Variants in AMER3 observed in about 807,000 individuals in gnomAD.
The protein encoded by AMER3 is APC membrane recruitment protein 3, also known as family with sequence similarity 123C.
For synonymous variants in AMER3, 541 were observed against 485.5 expected (o/e 1.11, Z -1.50); for missense variants, 1,201 against 1,139.4 (o/e 1.05, Z -0.78).
In AMER3 at chr2:130,762,967, G is replaced by A. The variant is rs780433435; in HGVS notation, c.895G>A (p.Ala299Thr). The change falls in exon 2 of 2, where the codon GCC becomes ACC. Residue 299 changes from alanine (A) to threonine (T), a missense_variant. Ala to Thr is a moderately conservative substitution (Grantham distance 58, BLOSUM62 0). Coordinates refer to ENST00000321420, the MANE Select transcript of AMER3 (RefSeq NM_152698.3). ...QGSVEQLASPAQNEASDFTRF... is the reference protein window; with the variant it reads ...QGSVEQLASPTQNEASDFTRF... ...CAGTGTGGAGCAGCTGGCCTCGCCC[G>A]CCCAGAATGAAGCCTCTGACTTCAC... 6 of 1,613,106 alleles carry A rather than the reference G, an allele frequency of 3.7e-6. No individual in the cohort carries two copies. The highest frequency in any genetic ancestry group is 5.1e-6 in the Non-Finnish European group (6 of 1,179,906).
In AMER3 at chr2:130,765,381, T is replaced by C. The variant is rs1240128516; in HGVS notation, c.*723T>C. 6.0e-6 allele frequency: 1 copy of C among 167,052 alleles called. No individual in the cohort carries two copies. 10.3% of individuals were successfully genotyped at this position (167,052 alleles called of 1,614,324 possible). A position where few individuals can be genotyped will look rare whatever the true frequency, so the allele number is the denominator to read the frequency against. ...TGCATGTCACTATGCTTGGTAATTG[T>C]GTGCACCTCGCTTTATACTTGCAGT... On this transcript the variant is annotated 3_prime_UTR_variant, in exon 2 of 2. Coordinates refer to ENST00000321420, the MANE Select transcript of AMER3 (RefSeq NM_152698.3).
At position 130,763,958 on chromosome 2, in the gene AMER3, A is replaced by C. The variant is rs766320457; in HGVS notation, c.1886A>C (p.Lys629Thr). The change falls in exon 2 of 2, where the codon AAA (lysine) becomes ACA (threonine). Residue 629 changes from lysine to threonine, a missense_variant. Physicochemically the swap from Lys to Thr is moderately conservative, Grantham distance 78. Coordinates refer to ENST00000321420, the MANE Select transcript of AMER3 (RefSeq NM_152698.3). ...AATSTTDTSGKNKAPVPSTWP... is the reference protein window; with the variant it reads ...AATSTTDTSGTNKAPVPSTWP... ...ACTTCGACAACAGATACTTCCGGTA[A>C]AAATAAGGCCCCAGTTCCTTCTACC... is the stretch of plus-strand genomic sequence containing the variant. 1 of 1,613,780 alleles carries C rather than the reference A, an allele frequency of 6.2e-7. No homozygotes were observed. The highest frequency in any genetic ancestry group is 8.5e-7 in the Non-Finnish European group (1 of 1,179,990).
intron 1 of AMER3, among the ~76,000 whole-genome samples, chr2:130,761,183 A>G (rs956607772): frequency 3.3e-5 from 5 of 152,002 alleles, no homozygotes; most frequent in African/African-American, 1.2e-4. Flanking sequence ...GTAGCTCCCC[A>G]CTGATCTCAG....
intron 1 of AMER3, among the ~76,000 whole-genome samples, chr2:130,757,622 C>G (rs1396412623): frequency 6.6e-6 from 1 of 152,222 alleles, no homozygotes; most frequent in Non-Finnish European, 1.5e-5. Flanking sequence ...TCCTCGGGGC[C>G]TTTCTGAAGG....
intron 1 of AMER3, 127 bp from the exon 2 acceptor site, chr2:130,761,927 G>C: frequency 8.5e-6 from 8 of 935,778 alleles, no homozygotes; most frequent in Non-Finnish European, 1.3e-5. Context: ...TCCCCCACCT[G>C]CAAGGAGGAT....
chr2:130,756,127 C>T (rs1158184548), intron 1 of AMER3, among the ~76,000 whole-genome samples: 6 of 148,956 alleles, frequency 4.0e-5, no homozygotes, highest in Admixed American at 2.0e-4. Context: ...CCACCGCGGC[C>T]GGCGCGCCCC....
Position 130,762,682 on chromosome 2 carries a change from C to T in AMER3, c.610C>T (p.Pro204Ser). Reference protein sequence around the residue: ...GGRRSKAFLPPGEGPGLDGLC... With the variant: ...GGRRSKAFLPSGEGPGLDGLC... Reference sequence around the variant, plus strand: ...GCGGCGAAGCAAAGCCTTCCTCCCCCCGGGTGAGGGGCCGGGGCTGGACGG... The same window carrying T: ...GCGGCGAAGCAAAGCCTTCCTCCCCTCGGGTGAGGGGCCGGGGCTGGACGG... Residue 204 changes from proline (P) to serine (S), a missense_variant, in exon 2 of 2, where the codon CCG (proline) becomes TCG (serine). Transcript: ENST00000321420. 6.2e-7 allele frequency: 1 copy of T among 1,611,340 alleles called. No individual in the cohort carries two copies. Among genetic ancestry groups the T allele is most frequent in the Non-Finnish European group, 8.5e-7 (1 of 1,179,836 alleles).
In AMER3 at chr2:130,762,450, GA is replaced by G. The variant is rs1678815156; in HGVS notation, c.379del (p.Ile127SerfsTer27). The stretch of plus-strand genomic sequence containing the variant: ...CGGGCTCCCCGGGCAGCCGGCGCAT[GA>G]TCGACTACCGCCACTTTGTGCCCCA... ...FPGSPGSRRM[I>X]DYRHFVPQMP... On this transcript the variant is annotated frameshift_variant, in exon 2 of 2. Transcript: ENST00000321420. LOFTEE classifies it low-confidence loss of function (END_TRUNC). 6.2e-7 allele frequency: 1 copy of G among 1,613,006 alleles called. No individual in the cohort carries two copies. Among genetic ancestry groups the G allele is most frequent in the Non-Finnish European group, 8.5e-7 (1 of 1,179,980 alleles).
chr2:130,762,599 C>T lies in AMER3; in HGVS notation c.527C>T (p.Ser176Leu), dbSNP rs139544644. 3.5e-5 allele frequency: 56 copies of T among 1,612,892 alleles called. No individual in the cohort carries two copies. The East Asian group carries it at 9.6e-4, about 28-fold the overall frequency. ...AGAAACAAGACTGAGGACTTGGCCT[C>T]GCTGGCGGCCGAGGGGAAAAGCCTG... ...IRRNKTEDLA[S>L]LAAEGKSLPS... Residue 176 changes from serine to leucine, a missense_variant, in exon 2 of 2, where the codon TCG becomes TTG. By Grantham distance (145) the Ser-to-Leu change is moderately radical. Transcript: ENST00000321420.
At chr2:130,755,891 G>A (rs1678588597) in intron 1 of AMER3, 2 of 152,476 alleles carry the variant, frequency 1.3e-5, no homozygotes, top group African/African-American at 4.8e-5. Context: ...CTGGGCTGAG[G>A]GGGAGGGGCT....
chr2:130,764,957 T>C lies in AMER3; in HGVS notation c.*299T>C. On this transcript the variant is annotated 3_prime_UTR_variant, in exon 2 of 2. Transcript: ENST00000321420. ...CTGAGGGGGAGAAAGAGCTGCACAT[T>C]GTAAATGGGAAGCAGAGAGCCAATG... 2.9e-6 allele frequency: 1 copy of C among 341,402 alleles called. No homozygotes were observed. Among genetic ancestry groups the C allele is most frequent in the Non-Finnish European group, 5.6e-6 (1 of 177,286 alleles). 21.1% of individuals were successfully genotyped at this position (341,402 alleles called of 1,614,324 possible). A position where few individuals can be genotyped will look rare whatever the true frequency, so the allele number is the denominator to read the frequency against.
rs888847460 is a variant in AMER3 at position 130,764,840 on chromosome 2, G to A, written c.*182G>A. On this transcript the variant is annotated 3_prime_UTR_variant, in exon 2 of 2. Coordinates refer to ENST00000321420, the MANE Select transcript of AMER3 (RefSeq NM_152698.3). ...GAGGCATCCTTGCCTGAACCCACCA[G>A]CTCAGGCAGCCCACCGCCAAAGACA... The A allele has an allele frequency of 1.8e-5, 14 of 767,796 alleles. No individual in the cohort carries two copies. Among genetic ancestry groups the A allele is most frequent in the Non-Finnish European group, 2.7e-5 (13 of 482,912 alleles). 47.6% of individuals were successfully genotyped at this position (767,796 alleles called of 1,614,324 possible).
Position 130,764,921 on chromosome 2 carries a change from A to C in AMER3, c.*263A>C. ...CATGCAGGGGCTGGAGAGAGGGGCT[A>C]GGGCTTGAAACTGAGGGGGAGAAAG... On this transcript the variant is annotated 3_prime_UTR_variant, in exon 2 of 2. Coordinates refer to ENST00000321420, the MANE Select transcript of AMER3 (RefSeq NM_152698.3). 2.1e-6 allele frequency: 1 copy of C among 478,846 alleles called. No individual in the cohort carries two copies. Among genetic ancestry groups the C allele is most frequent in the South Asian group, 3.7e-5 (1 of 26,796 alleles). 29.7% of individuals were successfully genotyped at this position (478,846 alleles called of 1,614,324 possible). A position where few individuals can be genotyped will look rare whatever the true frequency, so the allele number is the denominator to read the frequency against.
intron 1 of AMER3, among the ~76,000 whole-genome samples, chr2:130,757,294 G>A (rs1208752076): frequency 6.6e-6 from 1 of 152,186 alleles, no homozygotes; most frequent in Non-Finnish European, 1.5e-5. Context: ...TGTGTGTGCC[G>A]TGTAAAACAC....
In AMER3 at chr2:130,761,929, A is replaced by G. The variant is rs1678790812; in HGVS notation, c.-19-125A>G. 4.2e-6 allele frequency: 4 copies of G among 945,946 alleles called. No homozygotes were observed. In the East Asian group the frequency reaches 1.1e-4, roughly 25 times the overall value. 58.6% of individuals were successfully genotyped at this position (945,946 alleles called of 1,614,324 possible). A position where few individuals can be genotyped will look rare whatever the true frequency, so the allele number is the denominator to read the frequency against. On this transcript the variant is annotated intron_variant, in intron 1 of 1. Coordinates refer to ENST00000321420, the MANE Select transcript of AMER3 (RefSeq NM_152698.3). ...GCTCCCATCTTTCTCCCCCACCTGC[A>G]AGGAGGATCTCCTGGGACAGAGGCC...
Position 130,762,857 on chromosome 2 carries a change from C to T in AMER3, c.785C>T (p.Ser262Phe). Residue 262 changes from serine (S) to phenylalanine (F), a missense_variant, in exon 2 of 2, where the codon TCT (serine) becomes TTT (phenylalanine). Physicochemically the swap from Ser to Phe is radical, Grantham distance 155. Transcript: ENST00000321420. ...EVFADESSVP[S>F]LELNEGPESP... ...TTCGCAGATGAGAGCTCGGTGCCAT[C>T]TCTGGAGCTGAACGAGGGCCCGGAG... The T allele has an allele frequency of 6.2e-7, 1 of 1,613,460 alleles. No homozygotes were observed. Among genetic ancestry groups the T allele is most frequent in the Non-Finnish European group, 8.5e-7 (1 of 1,180,008 alleles).
In AMER3 at chr2:130,762,319, G is replaced by A; in HGVS notation, c.247G>A (p.Gly83Arg). Residue 83 changes from glycine (G) to arginine (R), a missense_variant, in exon 2 of 2, where the codon GGA becomes AGA. By Grantham distance (125) the Gly-to-Arg change is moderately radical. Coordinates refer to ENST00000321420, the MANE Select transcript of AMER3 (RefSeq NM_152698.3). Reference protein sequence around the residue: ...DPKGGPAALCGATFKPVRKCK... With the variant: ...DPKGGPAALCRATFKPVRKCK... ...CAAAGGGGGACCCGCAGCCCTCTGT[G>A]GAGCCACCTTCAAACCGGTGCGAAA... 1.9e-6 allele frequency: 3 copies of A among 1,608,536 alleles called. No homozygotes were observed. The highest frequency in any genetic ancestry group is 1.1e-5 in the South Asian group (1 of 90,268).
Position 130,763,843 on chromosome 2 carries a change from G to A in AMER3, c.1771G>A (p.Gly591Arg). The A allele has an allele frequency of 6.2e-7, 1 of 1,613,310 alleles. No homozygotes were observed. The highest frequency in any genetic ancestry group is 8.5e-7 in the Non-Finnish European group (1 of 1,180,010). ...CAAGGCCCTCGGAGGGGCCACACAA[G>A]GGACTGGCACACTGTCCAGGGATGC... ...ESKALGGATQGTGTLSRDASR... is the reference protein window; with the variant it reads ...ESKALGGATQRTGTLSRDASR... The change falls in exon 2 of 2, where the codon GGG becomes AGG. Residue 591 changes from glycine (G) to arginine (R), a missense_variant. Transcript: ENST00000321420.
chr2:130,755,861 G>C (rs150969870), intron 1 of AMER3, 187 bp downstream of exon 1: 1 of 152,166 alleles, frequency 6.6e-6, no homozygotes, highest in African/African-American at 2.4e-5. Context: ...TGCTGCGGTC[G>C]GCAGGGCTGG....
Sources: gnomAD v4.1 joint callset for allele counts (sites outside exome capture counted in the v4.1 genomes callset) on GRCh38, gnomAD v4.1.1 for gene constraint, MANE v1.5 for transcripts, NCBI Gene and HGNC (gene_info 2026-07-23, HGNC 2026-07-21) for gene names.